Variants in EYS observed in about 807,000 individuals in gnomAD.
EYS encodes protein eyes shut homolog.
A neutral mutation model predicts 282.1 loss-of-function variants in EYS; 250 were observed. The ratio of observed to expected loss-of-function variants is 0.89; its 90% CI spans 0.80 to 0.98. EYS has a LOEUF of 0.98. EYS is among the 50% of genes least tolerant of loss of function. The pLI is 0.00. For missense variants in EYS, 4,016 were observed against 3,709.0 expected (o/e 1.08, Z -2.15); for synonymous variants, 1,355 against 1,282.9 (o/e 1.06, Z -1.20).
intron 31 of EYS, among the ~76,000 whole-genome samples, chr6:64,142,747 A>G (rs982898247): frequency 6.6e-6 from 1 of 152,196 alleles, no homozygotes; most frequent in Admixed American, 6.6e-5. Flanking sequence ...GCTTCACTTC[A>G]AGCAGGAAAT....
rs11399475 is a variant in EYS, at chr6:64,047,181, T to TAA, written c.6725+19155_6725+19156dup. On this transcript the variant is annotated intron_variant, in intron 33 of 42. Transcript: ENST00000503581. ...CTAATTTTAAAGTGTGTCATTAGGT[T>TAA]AAAAAAAAAACAAGATAAAATTGTG... 5.2e-3 allele frequency among the ~76,000 whole-genome samples: 784 copies of TAA among 149,412 alleles called. 6 individuals carry two copies. Among genetic ancestry groups the TAA allele is most frequent in the African/African-American group, 0.018 (727 of 40,780 alleles).
chr6:65,678,996 C>A (rs1768728059), intron 1 of EYS, among the ~76,000 whole-genome samples: 2 of 151,888 alleles, frequency 1.3e-5, no homozygotes, highest in African/African-American at 4.8e-5. Context: ...TAATAATCCT[C>A]AGTAATCCTC....
At chr6:65,104,316 T>C (rs1392200199) in intron 12 of EYS, among the ~76,000 whole-genome samples, 1 of 151,506 alleles carries the variant, frequency 6.6e-6, no homozygotes, top group Non-Finnish European at 1.5e-5. Context: ...ATGTTTAGAA[T>C]GTTGTTTCTT....
chr6:64,151,082 T>G (rs1481369114), intron 31 of EYS, among the ~76,000 whole-genome samples: 1 of 151,646 alleles, frequency 6.6e-6, no homozygotes, highest in East Asian at 1.9e-4. Context: ...AGTATACAAA[T>G]ATTTTTGTGT....
intron 19 of EYS, among the ~76,000 whole-genome samples, chr6:64,844,249 A>G (rs902453591): frequency 5.9e-5 from 9 of 152,202 alleles, no homozygotes; most frequent in African/African-American, 2.2e-4. Context: ...AATTTTGTGT[A>G]TATCGTCGTT....
At chr6:64,417,949 G>T (rs1001723221) in intron 28 of EYS, among the ~76,000 whole-genome samples, 1 of 152,120 alleles carries the variant, frequency 6.6e-6, no homozygotes, top group African/African-American at 2.4e-5. Flanking sequence ...TGGGATTACA[G>T]GCACGAGCCA....
intron 16 of EYS, among the ~76,000 whole-genome samples, chr6:64,904,119 A>G (rs886252286): frequency 6.6e-6 from 1 of 152,202 alleles, no homozygotes; most frequent in African/African-American, 2.4e-5. Flanking sequence ...TTAAAACATA[A>G]CAACAATGAT....
chr6:65,209,291 A>G (rs1212535160), intron 12 of EYS, among the ~76,000 whole-genome samples: 3 of 151,590 alleles, frequency 2.0e-5, no homozygotes, highest in African/African-American at 4.8e-5. Context: ...TATATTTATT[A>G]CTGGACTCTC....
chr6:65,343,053 T>A (rs1261408852), intron 10 of EYS, among the ~76,000 whole-genome samples: 7 of 151,202 alleles, frequency 4.6e-5, no homozygotes, highest in African/African-American at 1.7e-4. Flanking sequence ...AATATATATA[T>A]ATGTAAGAAC....
In EYS at chr6:65,329,700, A is replaced by C. The variant is rs573358462; in HGVS notation, c.1766+5280T>G. 75 of 978,970 alleles carry C rather than the reference A, an allele frequency of 7.7e-5. No homozygotes were observed. In the African/African-American group the frequency reaches 9.3e-4, roughly 12 times the overall value. The allele number at this position is 978,970 out of a possible 1,614,324, so 60.6% of individuals were successfully genotyped here. On this transcript the variant is annotated intron_variant, in intron 11 of 42. Transcript: ENST00000503581. The stretch of plus-strand genomic sequence containing the variant: ...ATTCAACTTGTTAATAAAATCACGG[A>C]CATCACGGCAGAAATTACAATAGTC...
chr6:64,437,545 G>A (rs1561994272), intron 27 of EYS, among the ~76,000 whole-genome samples: 1 of 151,706 alleles, frequency 6.6e-6, no homozygotes, highest in Non-Finnish European at 1.5e-5. Flanking sequence ...GAAGTTTTGA[G>A]ACTTCACATG....
At chr6:63,860,689 C>T (rs1385073250) in intron 36 of EYS, among the ~76,000 whole-genome samples, 5 of 152,172 alleles carry the variant, frequency 3.3e-5, no homozygotes, top group Admixed American at 2.6e-4. Flanking sequence ...CCTAAGTAAA[C>T]GACCTGAATG....
At chr6:64,845,580 T>G (rs1296089335) in intron 19 of EYS, among the ~76,000 whole-genome samples, 1 of 152,014 alleles carries the variant, frequency 6.6e-6, no homozygotes, top group Non-Finnish European at 1.5e-5. Context: ...CTTTTCTCTC[T>G]CCCTGTTTTG....
intron 29 of EYS, among the ~76,000 whole-genome samples, chr6:64,332,395 C>T (rs1770680722): frequency 6.6e-6 from 1 of 152,182 alleles, no homozygotes; most frequent in Admixed American, 6.5e-5. Flanking sequence ...ACCTGTTAGT[C>T]TCACAGATGC....
At chr6:64,264,299 G>A (rs148729226) in intron 30 of EYS, among the ~76,000 whole-genome samples, 3 of 152,168 alleles carry the variant, frequency 2.0e-5, no homozygotes, top group Admixed American at 1.3e-4. Flanking sequence ...AGGCTTAGGC[G>A]GGCAGTTCTT....
At chr6:65,539,523 A>G (rs959987818) in intron 2 of EYS, among the ~76,000 whole-genome samples, 11 of 152,322 alleles carry the variant, frequency 7.2e-5, no homozygotes, top group South Asian at 4.1e-4. Flanking sequence ...ATAATGAATC[A>G]CATTTGCAAA....
chr6:64,241,879 T>G (rs1454958993), intron 30 of EYS, among the ~76,000 whole-genome samples: 1 of 152,210 alleles, frequency 6.6e-6, no homozygotes, highest in Admixed American at 6.6e-5. Flanking sequence ...GTTCCAGAGA[T>G]TCTAGTACAT....
chr6:65,013,363 T>G (rs550144509), intron 13 of EYS, among the ~76,000 whole-genome samples: 1 of 152,178 alleles, frequency 6.6e-6, no homozygotes, highest in Non-Finnish European at 1.5e-5. Flanking sequence ...TAATATGTAA[T>G]GAGCCCTTGT....
chr6:64,578,791 T>C (rs1199076000), intron 26 of EYS, among the ~76,000 whole-genome samples: 2 of 152,092 alleles, frequency 1.3e-5, no homozygotes, highest in Admixed American at 6.6e-5. Context: ...TAGTGAAACA[T>C]GGTTATTATG....
Sources: gnomAD v4.1 joint callset for allele counts (sites outside exome capture counted in the v4.1 genomes callset) on GRCh38, gnomAD v4.1.1 for gene constraint, MANE v1.5 for transcripts, NCBI Gene and HGNC (gene_info 2026-07-23, HGNC 2026-07-21) for gene names.